GRAMD2B: variants seen among roughly 807,000 people sequenced by gnomAD.
GRAMD2B encodes GRAM domain containing 2B.
A neutral mutation model predicts 59.2 loss-of-function variants in GRAMD2B; 41 were observed. That is an observed-to-expected ratio of 0.69 (90% CI 0.54 to 0.90). The LOEUF (loss-of-function observed/expected upper bound fraction) is 0.90, where lower values mean the gene tolerates loss of function less well. Ranked by LOEUF, GRAMD2B falls within the 40% of genes least tolerant of loss-of-function variation. The probability of loss-of-function intolerance (pLI) is 0.00; values close to 1 mark genes in which losing one functional copy is unlikely to be tolerated. For synonymous variants in GRAMD2B, 161 were observed against 182.7 expected, an observed-to-expected ratio of 0.88 and a Z score of 0.96; for missense variants, 424 against 500.5, an observed-to-expected ratio of 0.85 and a Z score of 1.46.
At chr5:126,371,840 A>G (rs1327488456) in intron 1 of GRAMD2B, among the ~76,000 whole-genome samples, 5 of 152,244 alleles carry the variant, frequency 3.3e-5, no homozygotes, top group Non-Finnish European at 5.9e-5. Flanking sequence ...ATAACTGGTC[A>G]CTATGCAATT....
At chr5:126,393,337 A>T (rs1003345412) in intron 1 of GRAMD2B, among the ~76,000 whole-genome samples, 5 of 152,210 alleles carry the variant, frequency 3.3e-5, no homozygotes, top group Admixed American at 6.5e-5. Flanking sequence ...TCTCATAAAA[A>T]TTTTTACATG....
At chr5:126,404,267 G>C (rs752593062) in intron 1 of GRAMD2B, among the ~76,000 whole-genome samples, 5 of 151,900 alleles carry the variant, frequency 3.3e-5, no homozygotes, top group African/African-American at 1.2e-4. Flanking sequence ...AGCAAAAAAA[G>C]TTAAGCCCCT....
At chr5:126,469,550 G>A (rs940199964) in intron 2 of GRAMD2B, 127 bp from the exon 3 acceptor site, 16 of 655,384 alleles carry the variant, frequency 2.4e-5, no homozygotes, top group Middle Eastern at 4.4e-4. Context: ...TGGGAGGATC[G>A]CTTGAGTCCT....
At chr5:126,467,056 G>C (rs1315283380) in intron 2 of GRAMD2B, among the ~76,000 whole-genome samples, 1 of 152,144 alleles carries the variant, frequency 6.6e-6, no homozygotes, top group African/African-American at 2.4e-5. Flanking sequence ...TTGAGAGACT[G>C]AGGTGGGTGG....
At chr5:126,414,500 T>C (rs72782490) in intron 1 of GRAMD2B, among the ~76,000 whole-genome samples, 5,548 of 152,272 alleles carry the variant, frequency 0.036, 158 homozygotes, top group African/African-American at 0.075. Context: ...CACTCATCAC[T>C]CAGGTTGCAG....
intron 1 of GRAMD2B, among the ~76,000 whole-genome samples, chr5:126,361,879 C>A (rs1367078353): frequency 1.3e-5 from 2 of 152,176 alleles, no homozygotes; most frequent in Non-Finnish European, 2.9e-5. Context: ...GTGTCACAAA[C>A]TGTGGGACAT....
intron 1 of GRAMD2B, among the ~76,000 whole-genome samples, chr5:126,413,808 G>C (rs183578750): frequency 2.6e-5 from 4 of 152,198 alleles, no homozygotes; most frequent in Non-Finnish European, 5.9e-5. Flanking sequence ...ATTCAGGATA[G>C]TTAAGATTTC....
intron 1 of GRAMD2B, among the ~76,000 whole-genome samples, chr5:126,380,001 G>GT (rs2149702856): frequency 6.6e-6 from 1 of 152,250 alleles, no homozygotes; most frequent in East Asian, 1.9e-4. Flanking sequence ...GTCTAGAAGG[G>GT]TTTTTCTGAT....
intron 1 of GRAMD2B, among the ~76,000 whole-genome samples, chr5:126,372,268 A>G (rs925027613): frequency 3.8e-4 from 58 of 152,200 alleles, no homozygotes; most frequent in Non-Finnish European, 6.8e-4. Flanking sequence ...TGGAAATCAC[A>G]TATTCAAAAG....
rs550056155 is a variant in GRAMD2B at position 126,443,659 on chromosome 5, A to T, written c.83+19970A>T. 7.8e-3 allele frequency among the ~76,000 whole-genome samples: 1,185 copies of T among 152,346 alleles called. 21 individuals are homozygous for T. The highest frequency in any genetic ancestry group is 0.027 in the African/African-American group (1,134 of 41,574). On this transcript the variant is annotated intron_variant, in intron 1 of 13. Coordinates refer to ENST00000285689, the MANE Select transcript of GRAMD2B (RefSeq NM_023927.4). ...CAATAGTTTTCTGTCTTTTCTCAGT[A>T]AAACTGGCTTTCTCTCAGCTGTGAT...
intron 13 of GRAMD2B, among the ~76,000 whole-genome samples, chr5:126,490,865 C>T (rs1286927551): frequency 3.3e-5 from 5 of 152,192 alleles, no homozygotes; most frequent in African/African-American, 1.2e-4. Flanking sequence ...TTTCAGTCAT[C>T]CTCATTGGAA....
At chr5:126,465,589 G>C (rs1283873083) in intron 2 of GRAMD2B, 44 bp downstream of exon 2, 2 of 1,583,836 alleles carry the variant, frequency 1.3e-6, no homozygotes, top group East Asian at 2.2e-5. Context: ...TGTCTTTTGG[G>C]GAGAAGGCGT....
intron 1 of GRAMD2B, among the ~76,000 whole-genome samples, chr5:126,416,740 T>C (rs1375093967): frequency 8.5e-5 from 13 of 152,208 alleles, no homozygotes; most frequent in African/African-American, 3.1e-4. Context: ...ACCTTCGCTC[T>C]TCCCTCTGGC....
At chr5:126,445,513 T>TGCTGAC (rs1764048334) in intron 1 of GRAMD2B, 1 of 152,052 alleles carries the variant, frequency 6.6e-6, no homozygotes. Context: ...CCTGAGGACT[T>TGCTGAC]GCTGACACAA....
intron 5 of GRAMD2B, among the ~76,000 whole-genome samples, chr5:126,474,369 G>A (rs1049558066): frequency 2.0e-5 from 3 of 152,324 alleles, no homozygotes; most frequent in African/African-American, 7.2e-5. Context: ...TTTTGTTGGT[G>A]TTGGAGCTAG....
At chr5:126,438,564 T>C (rs1762784756) in intron 1 of GRAMD2B, among the ~76,000 whole-genome samples, 1 of 152,178 alleles carries the variant, frequency 6.6e-6, no homozygotes, top group East Asian at 1.9e-4. Flanking sequence ...AGATGAGTTG[T>C]GTTTCATCAG....
intron 1 of GRAMD2B, among the ~76,000 whole-genome samples, chr5:126,448,506 G>A (rs755343643): frequency 4.6e-5 from 7 of 152,118 alleles, no homozygotes; most frequent in Non-Finnish European, 8.8e-5. Context: ...GGTTTTAAAG[G>A]AGGAGAAGGA....
chr5:126,365,186 C>A (rs542329661), intron 1 of GRAMD2B, among the ~76,000 whole-genome samples: 1 of 152,044 alleles, frequency 6.6e-6, no homozygotes, highest in South Asian at 2.1e-4. Context: ...ACTAAAAAAG[C>A]AGTATATTTT....
intron 1 of GRAMD2B, among the ~76,000 whole-genome samples, chr5:126,366,201 TGAA>T (rs1754430082): frequency 6.6e-6 from 1 of 152,114 alleles, no homozygotes; most frequent in Admixed American, 6.5e-5. Context: ...TAAAGAAGTT[TGAA>T]GGAGAGAGGA....
Sources: allele counts gnomAD v4.1 joint callset (sites outside exome capture counted in the v4.1 genomes callset), GRCh38; gene constraint gnomAD v4.1.1; transcripts MANE v1.5; gene names NCBI Gene and HGNC (gene_info 2026-07-23, HGNC 2026-07-21).